Variants in LRRC4C observed in about 807,000 individuals in gnomAD.
LRRC4C encodes leucine rich repeat containing 4C.
Under a neutral mutation model 33.6 loss-of-function variants are expected in LRRC4C, and 5 were observed. The observed-to-expected ratio is 0.15, with a 90% CI of 0.08 to 0.31. The LOEUF (loss-of-function observed/expected upper bound fraction) is 0.31. LRRC4C is among the 10% of genes least tolerant of loss of function. The probability of loss-of-function intolerance (pLI) is 1.00; values close to 1 mark genes in which losing one functional copy is unlikely to be tolerated. For missense variants in LRRC4C, 560 were observed against 796.7 expected, an observed-to-expected ratio of 0.70 and a Z score of 3.58; for synonymous variants, 329 against 302.0, an observed-to-expected ratio of 1.09 and a Z score of -0.93.
Position 40,687,112 on chromosome 11 carries a change from A to G in LRRC4C, c.-406-38834T>C, listed in dbSNP as rs78690369. ...ATAATCTTGAAACTTGTTTTTTAAG[A>G]TCTGATGTTTTGACATTGTGGTTTT... On this transcript the variant is annotated intron_variant, in intron 2 of 6. Transcript: ENST00000528697. Among the ~76,000 whole-genome samples, 457 of 152,208 alleles carry G rather than the reference A, an allele frequency of 3.0e-3. 3 individuals are homozygous for G. The highest frequency in any genetic ancestry group is 0.01 in the African/African-American group (436 of 41,548).
chr11:40,966,625 T>C lies in LRRC4C; in HGVS notation c.-495-32902A>G, dbSNP rs1217443366. Among the ~76,000 whole-genome samples, 6 of 151,978 alleles carry C rather than the reference T, an allele frequency of 3.9e-5. No homozygotes were observed. In the East Asian group the frequency reaches 1.2e-3, roughly 29 times the overall value. On this transcript the variant is annotated intron_variant, in intron 1 of 6. Transcript: ENST00000528697. Reference sequence around the variant, plus strand: ...ACCACCTTCATCTGTGCACACTTGATGGAAGATACTGGACCATCTGCCTGG... The same window carrying C: ...ACCACCTTCATCTGTGCACACTTGACGGAAGATACTGGACCATCTGCCTGG...
chr11:41,281,100 T>TCACA (rs1175293888), intron 1 of LRRC4C, among the ~76,000 whole-genome samples: 11 of 113,514 alleles, frequency 9.7e-5, no homozygotes, highest in Non-Finnish European at 1.9e-4. Flanking sequence ...TCTCTCTCTC[T>TCACA]CTCTCACACA....
intron 3 of LRRC4C, among the ~76,000 whole-genome samples, chr11:40,323,777 C>A (rs1162136622): frequency 1.3e-5 from 2 of 152,158 alleles, no homozygotes; most frequent in Non-Finnish European, 1.5e-5. Flanking sequence ...AACCCACCCT[C>A]TATTGAATGA....
intron 1 of LRRC4C, among the ~76,000 whole-genome samples, chr11:40,987,180 C>A (rs1047992472): frequency 6.6e-6 from 1 of 152,170 alleles, no homozygotes; most frequent in Non-Finnish European, 1.5e-5. Context: ...AGTGGGATTC[C>A]AACACAAGCA....
intron 2 of LRRC4C, among the ~76,000 whole-genome samples, chr11:40,766,996 T>C (rs966899237): frequency 6.6e-6 from 1 of 150,558 alleles, no homozygotes; most frequent in Non-Finnish European, 1.5e-5. Flanking sequence ...GTAAATGGAC[T>C]AAACTCTCCA....
rs1862048234 is a variant in LRRC4C, at chr11:40,193,950, G to C, written c.-96+47569C>G. On this transcript the variant is annotated intron_variant, in intron 5 of 6. Transcript: ENST00000528697. ...CAAACAAAGCCTCCAAGAAATATGGGACTATGTGAAAAGACCAAACCTATG... is the reference window on the plus strand; with the variant it reads ...CAAACAAAGCCTCCAAGAAATATGGCACTATGTGAAAAGACCAAACCTATG... 2.0e-5 allele frequency among the ~76,000 whole-genome samples: 3 copies of C among 152,136 alleles called. No individual in the cohort carries two copies. The South Asian group carries it at 6.2e-4, about 31-fold the overall frequency.
At chr11:41,191,778 T>C (rs540164269) in intron 1 of LRRC4C, among the ~76,000 whole-genome samples, 1 of 152,276 alleles carries the variant, frequency 6.6e-6, no homozygotes, top group African/African-American at 2.4e-5. Flanking sequence ...TATTTATTAA[T>C]GCATAAGATA....
chr11:40,688,503 T>C (rs1025786001), intron 2 of LRRC4C, among the ~76,000 whole-genome samples: 2 of 152,156 alleles, frequency 1.3e-5, no homozygotes, highest in Non-Finnish European at 2.9e-5. Context: ...AGGCATCAAA[T>C]GTTGAAAGCC....
intron 5 of LRRC4C, among the ~76,000 whole-genome samples, chr11:40,228,638 A>G (rs1200005973): frequency 6.6e-6 from 1 of 152,238 alleles, no homozygotes; most frequent in African/African-American, 2.4e-5. Flanking sequence ...ATAAGCATCC[A>G]CTAACAATGA....
intron 3 of LRRC4C, among the ~76,000 whole-genome samples, chr11:40,639,960 C>T (rs548357327): frequency 1.3e-5 from 2 of 152,114 alleles, no homozygotes; most frequent in East Asian, 1.9e-4. Context: ...TCTTCAGCTC[C>T]ACCTGGAAAC....
chr11:41,337,844 A>G (rs374022639), intron 1 of LRRC4C, among the ~76,000 whole-genome samples: 16 of 152,312 alleles, frequency 1.1e-4, no homozygotes, highest in African/African-American at 3.8e-4. Flanking sequence ...GCACAAGAAA[A>G]AAACAAACAA....
At chr11:41,031,017 A>C (rs919924663) in intron 1 of LRRC4C, among the ~76,000 whole-genome samples, 1 of 151,896 alleles carries the variant, frequency 6.6e-6, no homozygotes, top group African/African-American at 2.4e-5. Context: ...AAGAAAACGT[A>C]AGACACATTG....
intron 3 of LRRC4C, among the ~76,000 whole-genome samples, chr11:40,363,575 A>G (rs1948067876): frequency 6.6e-6 from 1 of 152,226 alleles, no homozygotes; most frequent in Admixed American, 6.5e-5. Context: ...AAGTAAAAAA[A>G]AAAAACTGTT....
intron 6 of LRRC4C, among the ~76,000 whole-genome samples, chr11:40,128,616 T>G (rs1032574157): frequency 2.0e-5 from 3 of 152,176 alleles, no homozygotes; most frequent in African/African-American, 7.2e-5. Context: ...CAAACTGCTT[T>G]GGTCTCCAAG....
At chr11:40,957,565 C>G (rs1959014568) in intron 1 of LRRC4C, among the ~76,000 whole-genome samples, 1 of 151,722 alleles carries the variant, frequency 6.6e-6, no homozygotes, top group South Asian at 2.1e-4. Context: ...AATGAGGAGT[C>G]AGAGCTGTAT....
intron 1 of LRRC4C, among the ~76,000 whole-genome samples, chr11:41,388,284 T>C (rs1953441460): frequency 6.6e-6 from 1 of 151,748 alleles, no homozygotes; most frequent in South Asian, 2.1e-4. Flanking sequence ...GTAAAGATAA[T>C]GGGTTTCAGT....
intron 2 of LRRC4C, among the ~76,000 whole-genome samples, chr11:40,674,263 A>G (rs962264193): frequency 6.6e-6 from 1 of 152,186 alleles, no homozygotes; most frequent in Admixed American, 6.5e-5. Flanking sequence ...CTTTTATATC[A>G]TGGAAAGAGC....
chr11:40,475,109 C>A (rs376767241), intron 3 of LRRC4C, among the ~76,000 whole-genome samples: 1 of 152,042 alleles, frequency 6.6e-6, no homozygotes, highest in South Asian at 2.1e-4. Flanking sequence ...TGGATATATA[C>A]CCAAAGGAGT....
chr11:40,650,139 T>C (rs2136141580), intron 2 of LRRC4C, among the ~76,000 whole-genome samples: 2 of 152,308 alleles, frequency 1.3e-5, no homozygotes, highest in South Asian at 2.1e-4. Flanking sequence ...TGTCACAGTA[T>C]ATCCTAATTA....
Sources: gnomAD v4.1 joint callset for allele counts (sites outside exome capture counted in the v4.1 genomes callset) on GRCh38, gnomAD v4.1.1 for gene constraint, MANE v1.5 for transcripts, NCBI Gene and HGNC (gene_info 2026-07-23, HGNC 2026-07-21) for gene names.